Variants in ASAP1 observed in about 807,000 individuals in gnomAD.
The protein encoded by ASAP1 is ArfGAP with SH3 domain, ankyrin repeat and PH domain 1, also known as arf-GAP with SH3 domain, ANK repeat and PH domain-containing protein 1.
Under a neutral mutation model 145.2 loss-of-function variants are expected in ASAP1, and 43 were observed. That is an observed-to-expected ratio of 0.30 (90% CI 0.23 to 0.38). The LOEUF (loss-of-function observed/expected upper bound fraction) is 0.38, where lower values mean the gene tolerates loss of function less well. ASAP1 is among the 10% of genes least tolerant of loss of function. The probability of loss-of-function intolerance (pLI) is 1.00; values close to 1 mark genes in which losing one functional copy is unlikely to be tolerated. For synonymous variants in ASAP1, 546 were observed against 515.5 expected (o/e 1.06, Z -0.80); for missense variants, 1,018 against 1,355.3 (o/e 0.75, Z 3.91).
At chr8:130,071,870 C>G (rs1349498246) in intron 27 of ASAP1, among the ~76,000 whole-genome samples, 1 of 152,216 alleles carries the variant, frequency 6.6e-6, no homozygotes, top group Admixed American at 6.5e-5. Context: ...AAAGGATCCA[C>G]AGTAGAAAAC....
At chr8:130,434,145 A>C (rs1830227823) in intron 1 of ASAP1, among the ~76,000 whole-genome samples, 1 of 152,116 alleles carries the variant, frequency 6.6e-6, no homozygotes, top group Non-Finnish European at 1.5e-5. Context: ...GCAAAACCCC[A>C]TCTCTACTAA....
At chr8:130,192,336 C>T (rs1353596112) in intron 5 of ASAP1, among the ~76,000 whole-genome samples, 2 of 142,698 alleles carry the variant, frequency 1.4e-5, no homozygotes, top group Non-Finnish European at 3.0e-5. Context: ...CGGGGGGGAG[C>T]GATGGGGGAC....
chr8:130,211,814 A>G (rs1816601109), intron 5 of ASAP1, among the ~76,000 whole-genome samples: 1 of 152,222 alleles, frequency 6.6e-6, no homozygotes, highest in South Asian at 2.1e-4. Flanking sequence ...AAAGTCTATA[A>G]AGTACCAAAG....
chr8:130,275,673 G>A (rs913790066), intron 3 of ASAP1, among the ~76,000 whole-genome samples: 1 of 151,326 alleles, frequency 6.6e-6, no homozygotes, highest in African/African-American at 2.4e-5. Flanking sequence ...CACAATTAGA[G>A]AAACGTAAGC....
chr8:130,316,805 G>C (rs144097978), intron 3 of ASAP1, among the ~76,000 whole-genome samples: 2 of 152,192 alleles, frequency 1.3e-5, no homozygotes, highest in African/African-American at 2.4e-5. Flanking sequence ...ATAAACTATC[G>C]CATTTAAGCT....
At chr8:130,314,099 T>TTGAA (rs1429927906) in intron 3 of ASAP1, among the ~76,000 whole-genome samples, 3 of 152,148 alleles carry the variant, frequency 2.0e-5, no homozygotes, top group Admixed American at 2.0e-4. Flanking sequence ...TTCAATTTGG[T>TTGAA]CAGAAAAGGC....
At chr8:130,290,751 A>T (rs1317549699) in intron 3 of ASAP1, among the ~76,000 whole-genome samples, 2 of 152,198 alleles carry the variant, frequency 1.3e-5, no homozygotes, top group Admixed American at 1.3e-4. Context: ...AGGCATGACA[A>T]ATCCTTAACA....
intron 1 of ASAP1, among the ~76,000 whole-genome samples, chr8:130,437,525 G>T (rs536691645): frequency 6.6e-6 from 1 of 152,294 alleles, no homozygotes; most frequent in South Asian, 2.1e-4. Context: ...GAGCCATCCT[G>T]CATCCCCCAA....
At chr8:130,178,128 A>G (rs1814094063) in intron 9 of ASAP1, among the ~76,000 whole-genome samples, 1 of 152,256 alleles carries the variant, frequency 6.6e-6, no homozygotes, top group African/African-American at 2.4e-5. Context: ...TAACTATTGA[A>G]AAGAATAAGA....
chr8:130,220,790 T>C (rs745929695), intron 4 of ASAP1, among the ~76,000 whole-genome samples: 29 of 152,088 alleles, frequency 1.9e-4, no homozygotes, highest in Middle Eastern at 3.4e-3. Context: ...AAACTTAGAG[T>C]CATGGTGGAA....
At chr8:130,070,108 C>A (rs1413323254) in intron 27 of ASAP1, among the ~76,000 whole-genome samples, 2 of 152,162 alleles carry the variant, frequency 1.3e-5, no homozygotes, top group Non-Finnish European at 2.9e-5. Flanking sequence ...GCAATCTCGG[C>A]TCACTGCAAG....
intron 27 of ASAP1, among the ~76,000 whole-genome samples, chr8:130,075,228 A>G (rs1322269879): frequency 6.6e-6 from 1 of 152,192 alleles, no homozygotes; most frequent in Non-Finnish European, 1.5e-5. Flanking sequence ...ATAAAAGACA[A>G]CAAAAACCAA....
At chr8:130,349,443 T>C (rs896022996) in intron 3 of ASAP1, among the ~76,000 whole-genome samples, 1 of 152,212 alleles carries the variant, frequency 6.6e-6, no homozygotes, top group Non-Finnish European at 1.5e-5. Flanking sequence ...CAATCATTTA[T>C]AGAGCACTTA....
chr8:130,126,142 G>A (rs977974277), intron 16 of ASAP1, 53 bp from the exon 17 acceptor site: 32 of 1,541,058 alleles, frequency 2.1e-5, no homozygotes, highest in African/African-American at 8.3e-5. Context: ...TAATTTTAGT[G>A]TGCCAACTAC....
intron 9 of ASAP1, among the ~76,000 whole-genome samples, chr8:130,172,716 G>C (rs1474996003): frequency 6.6e-6 from 1 of 152,012 alleles, no homozygotes; most frequent in Admixed American, 6.6e-5. Flanking sequence ...TCTAGAAAAA[G>C]AATAAGCAAA....
Position 130,169,018 on chromosome 8 carries a change from C to T in ASAP1, c.796G>A (p.Glu266Lys). 6.4e-7 allele frequency: 1 copy of T among 1,573,528 alleles called. No homozygotes were observed. The highest frequency in any genetic ancestry group is 1.4e-5 in the African/African-American group (1 of 73,014). ...KTADKLKQYI[E>K]KLAADLYNIK... is the part of the protein sequence containing the mutation. ...TTATATAAATCAGCAGCCAGTTTTT[C>T]AATGTACTGTTTCAACTTATCAGCT... is the stretch of plus-strand genomic sequence containing the variant. The change falls in exon 10 of 30, where the codon GAA becomes AAA. Residue 266 changes from glutamate to lysine, a missense_variant. Glu to Lys is a moderately conservative substitution (Grantham distance 56). Around this residue, in one of 9 missense-constraint regions of ASAP1, gnomAD observed 62 missense variants for 68.5 expected, o/e 0.90. Coordinates refer to ENST00000518721, the MANE Select transcript of ASAP1 (RefSeq NM_018482.4).
intron 9 of ASAP1, 124 bp from the exon 10 acceptor site, chr8:130,169,191 T>A (rs1221796241): frequency 7.3e-6 from 4 of 544,494 alleles, no homozygotes; most frequent in Non-Finnish European, 9.8e-6. Flanking sequence ...CTTATCTGTA[T>A]ATATATACTC....
chr8:130,310,241 A>G (rs1415630267), intron 3 of ASAP1, among the ~76,000 whole-genome samples: 90 of 152,172 alleles, frequency 5.9e-4, no homozygotes, highest in Non-Finnish European at 4.4e-5. Context: ...AATAATAGAA[A>G]TAACCATTGT....
intron 6 of ASAP1, 69 bp downstream of exon 6, chr8:130,188,040 A>C (rs1368461934): frequency 4.5e-6 from 5 of 1,112,532 alleles, no homozygotes; most frequent in Non-Finnish European, 5.4e-6. Context: ...TACTACTATG[A>C]TCTTGAAAGA....
Sources: gnomAD v4.1 joint callset for allele counts (sites outside exome capture counted in the v4.1 genomes callset) on GRCh38, gnomAD v4.1.1 for gene constraint, gnomAD v4.1.1 regional missense constraint, MANE v1.5 for transcripts, NCBI Gene and HGNC (gene_info 2026-07-23, HGNC 2026-07-21) for gene names.